DSE: variants seen among roughly 807,000 people sequenced by gnomAD.
DSE encodes the protein dermatan-sulfate epimerase.
In DSE, 36 loss-of-function variants were observed where a neutral mutation model predicts 84.4. The ratio of observed to expected loss-of-function variants is 0.43; its 90% CI spans 0.33 to 0.56. The LOEUF is 0.56. DSE is among the 20% of genes least tolerant of loss of function. The pLI, the probability that DSE is intolerant of heterozygous loss-of-function variation, is 0.06. For synonymous variants in DSE, 410 were observed against 430.1 expected (o/e 0.95, Z 0.58); for missense variants, 862 against 1,169.6 (o/e 0.74, Z 3.84).
chr6:116,409,718 A>T (rs1297228768), intron 2 of DSE, among the ~76,000 whole-genome samples: 1 of 152,234 alleles, frequency 6.6e-6, no homozygotes, highest in African/African-American at 2.4e-5. Context: ...TACTATTAGC[A>T]TATTAATACT....
intron 2 of DSE, among the ~76,000 whole-genome samples, chr6:116,285,578 G>A (rs1199536083): frequency 5.9e-5 from 9 of 152,194 alleles, no homozygotes; most frequent in Non-Finnish European, 1.0e-4. Context: ...TGGTGTTTTA[G>A]TCATGAAATC....
At chr6:116,335,878 C>A (rs535349224) in intron 2 of DSE, among the ~76,000 whole-genome samples, 2 of 152,202 alleles carry the variant, frequency 1.3e-5, no homozygotes, top group African/African-American at 4.8e-5. Context: ...TCAGGAAAAA[C>A]TGCTCTGTTT....
At chr6:116,434,391 A>G (rs906286075) in intron 5 of DSE, among the ~76,000 whole-genome samples, 4 of 152,162 alleles carry the variant, frequency 2.6e-5, no homozygotes, top group African/African-American at 4.8e-5. Context: ...GGAGGAAAAA[A>G]TATTAGTAAA....
intron 2 of DSE, among the ~76,000 whole-genome samples, chr6:116,360,052 C>G (rs76574120): frequency 0.014 from 2,185 of 152,258 alleles, 55 homozygotes; most frequent in African/African-American, 0.05. Context: ...AAGATCATGT[C>G]CTTTGCAGAG....
chr6:116,382,641 A>G (rs1246431219), intron 1 of DSE, among the ~76,000 whole-genome samples: 1 of 152,164 alleles, frequency 6.6e-6, no homozygotes, highest in Non-Finnish European at 1.5e-5. Context: ...CACTGTCCAA[A>G]TGTATAGGTG....
chr6:116,282,323 A>G (rs1773592355), intron 2 of DSE, among the ~76,000 whole-genome samples: 1 of 152,248 alleles, frequency 6.6e-6, no homozygotes. Flanking sequence ...CATTCGGCCT[A>G]AAGTGGAAAC....
At chr6:116,425,084 C>A (rs1357696563) in intron 2 of DSE, among the ~76,000 whole-genome samples, 6 of 152,118 alleles carry the variant, frequency 3.9e-5, no homozygotes. Flanking sequence ...ATAGACATCT[C>A]AAAAATTATG....
intron 1 of DSE, among the ~76,000 whole-genome samples, chr6:116,390,223 A>G (rs1780815203): frequency 1.3e-5 from 2 of 151,868 alleles, no homozygotes; most frequent in South Asian, 4.2e-4. Flanking sequence ...ACATGCCACA[A>G]CACCCAAATA....
rs187871725 is a variant in DSE, at chr6:116,401,934, A to C, written c.416+2268A>C. Among the ~76,000 whole-genome samples, 342 of 151,876 alleles carry C rather than the reference A, an allele frequency of 2.3e-3. 2 individuals carry two copies. Among genetic ancestry groups the C allele is most frequent in the Middle Eastern group, 6.8e-3 (2 of 294 alleles). On this transcript the variant is annotated intron_variant, in intron 2 of 5. Coordinates refer to ENST00000644252, the MANE Select transcript of DSE (RefSeq NM_013352.4). ...TGATATTATGAAAGTAAAAAAAAAA[A>C]AACTTTCTACAATAGCTTCATCAGG...
rs1182665432 is a variant in DSE, at chr6:116,442,587, AG to A, written c.*5244del. The A allele has an allele frequency of 2.0e-5, 3 of 152,276 alleles. No individual in the cohort carries two copies. The highest frequency in any genetic ancestry group is 7.2e-5 in the African/African-American group (3 of 41,442). The allele number at this position is 152,276 out of a possible 1,614,324, so 9.4% of individuals were successfully genotyped here. On this transcript the variant is annotated 3_prime_UTR_variant, in exon 6 of 6. Transcript: ENST00000644252. The stretch of plus-strand genomic sequence containing the variant: ...AAGTACGAAAAAGCAAACCTGGTTC[AG>A]GAATTCTCCAGACTGGTGGTGTTGG...
upstream of DSE, chr6:116,370,036 G>C (rs962510728): frequency 2.8e-6 from 3 of 1,059,936 alleles, no homozygotes; most frequent in Non-Finnish European, 3.8e-6. Flanking sequence ...TGATGGCCCT[G>C]ATCCTACCTC....
rs745570721 is a variant in DSE, at chr6:116,279,607, G to C, written c.-54+20640G>C. The C allele has an allele frequency of 3.7e-6, 6 of 1,602,172 alleles. No individual in the cohort carries two copies. In the African/African-American group the frequency reaches 8.0e-5, roughly 21 times the overall value. Reference sequence around the variant, plus strand: ...GATCTGGGGAGTACCGCCACGGCCCGCGGCATCCTGGGGTACGCCCCCCTC... The same window carrying C: ...GATCTGGGGAGTACCGCCACGGCCCCCGGCATCCTGGGGTACGCCCCCCTC... On this transcript the variant is annotated intron_variant, in intron 2 of 3. Transcript: ENST00000430252.
intron 2 of DSE, among the ~76,000 whole-genome samples, chr6:116,348,045 A>G (rs1025660000): frequency 3.3e-5 from 5 of 152,248 alleles, no homozygotes; most frequent in Non-Finnish European, 5.9e-5. Context: ...ACATTAAAAA[A>G]TGGTCATCAT....
In DSE at chr6:116,277,749, A is replaced by G. The variant is rs568845013; in HGVS notation, c.-54+18782A>G. The G allele has an allele frequency of 5.1e-4, 77 of 152,210 alleles. 2 individuals are homozygous for G. The East Asian group carries it at 0.014, about 27-fold the overall frequency. The allele number at this position is 152,210 out of a possible 1,614,324, so 9.4% of individuals were successfully genotyped here. On this transcript the variant is annotated intron_variant, in intron 2 of 3. Transcript: ENST00000430252. ...AAACCCCGTCTCTACTAAAAATATA[A>G]AAATTAGCCGGGCGTGGCGGCGCGC...
chr6:116,351,655 G>T (rs1256168928), intron 2 of DSE, among the ~76,000 whole-genome samples: 1 of 152,036 alleles, frequency 6.6e-6, no homozygotes, highest in Non-Finnish European at 1.5e-5. Context: ...AAAGAATAAG[G>T]GATATTGACC....
At chr6:116,290,422 G>A (rs73767718) in intron 2 of DSE, among the ~76,000 whole-genome samples, 1,922 of 152,136 alleles carry the variant, frequency 0.013, 46 homozygotes, top group African/African-American at 0.044. Flanking sequence ...GGAGTTAAGT[G>A]CCCTCAGGGG....
intron 2 of DSE, among the ~76,000 whole-genome samples, chr6:116,263,525 C>T (rs148567616): frequency 2.6e-5 from 4 of 152,284 alleles, no homozygotes; most frequent in African/African-American, 9.6e-5. Context: ...CTCTTGAAGA[C>T]AGCATACCAA....
intron 2 of DSE, among the ~76,000 whole-genome samples, chr6:116,402,615 G>C (rs1781664121): frequency 6.6e-6 from 1 of 152,050 alleles, no homozygotes; most frequent in African/African-American, 2.4e-5. Context: ...ACCCTGTTTG[G>C]TTTATAATTT....
chr6:116,343,031 G>A (rs575931355), intron 2 of DSE, among the ~76,000 whole-genome samples: 37 of 152,170 alleles, frequency 2.4e-4, no homozygotes, highest in Non-Finnish European at 4.4e-4. Flanking sequence ...CCACGCCCAC[G>A]GAGCCTCACT....
Sources: gnomAD v4.1 joint callset for allele counts (sites outside exome capture counted in the v4.1 genomes callset) on GRCh38, gnomAD v4.1.1 for gene constraint, MANE v1.5 for transcripts, NCBI Gene and HGNC (gene_info 2026-07-23, HGNC 2026-07-21) for gene names.